Variants in ADGRB3 observed in about 807,000 individuals in gnomAD.
ADGRB3 encodes adhesion G protein-coupled receptor B3, also known as brain-specific angiogenesis inhibitor 3.
Under a neutral mutation model 193.4 loss-of-function variants are expected in ADGRB3, and 37 were observed. The ratio of observed to expected loss-of-function variants is 0.19; its 90% CI spans 0.15 to 0.25. The LOEUF is 0.25. Among genes scored for constraint, ADGRB3 ranks in the 10% least tolerant of loss-of-function variants. ADGRB3 has a pLI of 1.00. For synonymous variants in ADGRB3, 690 were observed against 644.2 expected, an observed-to-expected ratio of 1.07 and a Z score of -1.08; for missense variants, 1,637 against 1,852.9, an observed-to-expected ratio of 0.88 and a Z score of 2.14.
At chr6:69,146,886 A>C (rs1450993730) in intron 17 of ADGRB3, among the ~76,000 whole-genome samples, 1 of 136,696 alleles carries the variant, frequency 7.3e-6, no homozygotes, top group East Asian at 2.2e-4. Flanking sequence ...AATATTGGTA[A>C]ATTGTATATG....
chr6:68,985,793 T>G (rs1395429681), intron 10 of ADGRB3, among the ~76,000 whole-genome samples: 1 of 152,086 alleles, frequency 6.6e-6, no homozygotes, highest in Non-Finnish European at 1.5e-5. Context: ...TGGTGTACAA[T>G]CCCTAGAACC....
chr6:69,353,234 A>G (rs1264079078), intron 26 of ADGRB3, among the ~76,000 whole-genome samples: 1 of 152,208 alleles, frequency 6.6e-6, no homozygotes, highest in Admixed American at 6.5e-5. Context: ...AATTAATGTA[A>G]TGTTCTTAGA....
chr6:68,695,210 G>C (rs554492604), intron 3 of ADGRB3, among the ~76,000 whole-genome samples: 25 of 151,958 alleles, frequency 1.6e-4, no homozygotes, highest in Admixed American at 4.6e-4. Flanking sequence ...TGACAAAGGG[G>C]AGCAATATGA....
intron 3 of ADGRB3, among the ~76,000 whole-genome samples, chr6:68,671,757 C>A (rs532172578): frequency 6.6e-5 from 10 of 151,954 alleles, no homozygotes; most frequent in Non-Finnish European, 1.3e-4. Flanking sequence ...CTGATTTTGG[C>A]ATTAGGGTAA....
At chr6:68,716,408 A>C (rs1765490574) in intron 3 of ADGRB3, among the ~76,000 whole-genome samples, 1 of 151,666 alleles carries the variant, frequency 6.6e-6, no homozygotes, top group Non-Finnish European at 1.5e-5. Context: ...AGAACCTTGA[A>C]GATATTAAAG....
At chr6:69,186,130 C>A (rs185781959) in intron 17 of ADGRB3, among the ~76,000 whole-genome samples, 3 of 149,044 alleles carry the variant, frequency 2.0e-5, no homozygotes, top group African/African-American at 5.0e-5. Flanking sequence ...TGGGTATTCT[C>A]CTTTGGGCAT....
chr6:68,783,923 C>T (rs1042965370), intron 3 of ADGRB3, among the ~76,000 whole-genome samples: 1 of 151,958 alleles, frequency 6.6e-6, no homozygotes, highest in African/African-American at 2.4e-5. Flanking sequence ...GATGTACCAT[C>T]AGCTGCATCT....
At chr6:68,848,992 G>A (rs1768343860) in intron 3 of ADGRB3, among the ~76,000 whole-genome samples, 1 of 151,924 alleles carries the variant, frequency 6.6e-6, no homozygotes, top group South Asian at 2.1e-4. Flanking sequence ...AAGGAATAAA[G>A]GAGGAAACAA....
At chr6:68,674,294 G>A (rs1769032172) in intron 3 of ADGRB3, among the ~76,000 whole-genome samples, 1 of 152,080 alleles carries the variant, frequency 6.6e-6, no homozygotes, top group Non-Finnish European at 1.5e-5. Flanking sequence ...AACGTAACAT[G>A]ATTTTAAAAG....
At chr6:69,245,126 G>C (rs1055307283) in intron 20 of ADGRB3, among the ~76,000 whole-genome samples, 1 of 151,906 alleles carries the variant, frequency 6.6e-6, no homozygotes, top group Non-Finnish European at 1.5e-5. Context: ...CTCGCTCATG[G>C]AGTAAATCTA....
At chr6:69,063,771 C>T (rs779034684) in intron 16 of ADGRB3, among the ~76,000 whole-genome samples, 40 of 151,876 alleles carry the variant, frequency 2.6e-4, no homozygotes, top group Non-Finnish European at 1.0e-4. Context: ...TTGTTCAGTC[C>T]TCTGTACAAA....
chr6:68,891,166 A>T (rs766505615), intron 3 of ADGRB3, among the ~76,000 whole-genome samples: 4 of 152,156 alleles, frequency 2.6e-5, no homozygotes, highest in Non-Finnish European at 5.9e-5. Context: ...TAAAATTATC[A>T]GATCTTGTGA....
intron 3 of ADGRB3, among the ~76,000 whole-genome samples, chr6:68,917,316 G>A (rs1380806188): frequency 1.3e-5 from 2 of 152,126 alleles, no homozygotes; most frequent in Non-Finnish European, 1.5e-5. Flanking sequence ...TAGGTACCTC[G>A]TGTGGCCACT....
intron 3 of ADGRB3, among the ~76,000 whole-genome samples, chr6:68,846,871 G>C (rs1181707272): frequency 6.6e-6 from 1 of 152,162 alleles, no homozygotes; most frequent in African/African-American, 2.4e-5. Flanking sequence ...CCATCTGTCA[G>C]ACCCCAGAAT....
chr6:69,361,869 C>T (rs1020429608), intron 29 of ADGRB3, among the ~76,000 whole-genome samples: 3 of 151,840 alleles, frequency 2.0e-5, no homozygotes, highest in Non-Finnish European at 4.4e-5. Flanking sequence ...TCTGATGTTT[C>T]TCAGGTACCA....
At chr6:69,291,866 C>G (rs1031607831) in intron 20 of ADGRB3, among the ~76,000 whole-genome samples, 7 of 152,096 alleles carry the variant, frequency 4.6e-5, no homozygotes, top group Admixed American at 2.6e-4. Context: ...ATCATAAAAC[C>G]TAAGAAGGAT....
chr6:68,749,449 TA>T (rs1299822715), intron 3 of ADGRB3, among the ~76,000 whole-genome samples: 8 of 149,500 alleles, frequency 5.4e-5, no homozygotes, highest in Non-Finnish European at 1.2e-4. Context: ...TGTGTGTGTA[TA>T]ATTAATTCTG....
chr6:69,022,991 A>G (rs930205298), intron 13 of ADGRB3, among the ~76,000 whole-genome samples: 4 of 152,064 alleles, frequency 2.6e-5, no homozygotes, highest in Non-Finnish European at 4.4e-5. Flanking sequence ...AGCATATTAC[A>G]TTTGCTTTTA....
At chr6:68,855,618 T>C (rs952960747) in intron 3 of ADGRB3, among the ~76,000 whole-genome samples, 3 of 152,090 alleles carry the variant, frequency 2.0e-5, no homozygotes, top group Non-Finnish European at 4.4e-5. Flanking sequence ...TTGTAACACA[T>C]GTTAGATGAT....
Sources: gnomAD v4.1 joint callset for allele counts (sites outside exome capture counted in the v4.1 genomes callset) on GRCh38, gnomAD v4.1.1 for gene constraint, MANE v1.5 for transcripts, NCBI Gene and HGNC (gene_info 2026-07-23, HGNC 2026-07-21) for gene names.